SOAT2: variants seen among roughly 807,000 people sequenced by gnomAD.
The protein encoded by SOAT2 is ACAT-2.
In SOAT2, 87 loss-of-function variants were observed where a neutral mutation model predicts 76.0. The ratio of observed to expected loss-of-function variants is 1.14; its 90% confidence interval spans 0.96 to 1.37. SOAT2 has a LOEUF of 1.37. SOAT2 is among the 40% of genes most tolerant of loss of function. SOAT2 has a pLI of 0.00. For missense variants in SOAT2, 686 were observed against 682.1 expected, an observed-to-expected ratio of 1.01 and a Z score of -0.06; for synonymous variants, 285 against 275.4, an observed-to-expected ratio of 1.03 and a Z score of -0.34.
chr12:53,113,500 A>G (rs1565627234), intron 5 of SOAT2, among the ~76,000 whole-genome samples: 1 of 152,190 alleles, frequency 6.6e-6, no homozygotes. Flanking sequence ...GTGGCTGAAC[A>G]CAGCACCATC....
At chr12:53,121,932 T>A (rs1938196703) in intron 12 of SOAT2, among the ~76,000 whole-genome samples, 1 of 151,272 alleles carries the variant, frequency 6.6e-6, no homozygotes. Context: ...CTCAGCCTTT[T>A]GAGTAGCTGG....
chr12:53,109,649 T>C (rs1284563066), intron 5 of SOAT2, among the ~76,000 whole-genome samples: 1 of 152,074 alleles, frequency 6.6e-6, no homozygotes, highest in African/African-American at 2.4e-5. Context: ...ACCCAGCTAA[T>C]TTTTTTGTGT....
intron 5 of SOAT2, among the ~76,000 whole-genome samples, chr12:53,107,640 T>TTTTTTTTTTTTTTTTTTTTTTTTTA (rs71095976): frequency 6.7e-6 from 1 of 149,956 alleles, no homozygotes; most frequent in African/African-American, 2.5e-5. Context: ...TTTTTTTTTT[T>TTTTTTTTTTTTTTTTTTTTTTTTTA]GAGACAGAGT....
intron 7 of SOAT2, among the ~76,000 whole-genome samples, chr12:53,116,607 T>C (rs1938110470): frequency 6.6e-6 from 1 of 152,120 alleles, no homozygotes; most frequent in African/African-American, 2.4e-5. Context: ...CTCACACAGG[T>C]AATCCCAGCA....
At chr12:53,123,323 A>T (rs1938223805) in intron 13 of SOAT2, 107 bp downstream of exon 13, 2 of 1,391,752 alleles carry the variant, frequency 1.4e-6, no homozygotes, top group Non-Finnish European at 2.0e-6. Context: ...CCAGGCCTGG[A>T]GGCAAGGCTG....
chr12:53,112,573 T>G (rs576398026), intron 5 of SOAT2, among the ~76,000 whole-genome samples: 2 of 143,618 alleles, frequency 1.4e-5, no homozygotes, highest in African/African-American at 2.6e-5. Flanking sequence ...GACAAGGTCC[T>G]AGGAGAGAAA....
At chr12:53,119,380 CT>C (rs1938155658) in intron 10 of SOAT2, 127 bp downstream of exon 10, 1 of 1,030,812 alleles carries the variant, frequency 9.7e-7, no homozygotes, top group Non-Finnish European at 1.4e-6. Flanking sequence ...CATCTGTCCC[CT>C]CCTATCAGGG....
At position 53,121,374 on chromosome 12, in the gene SOAT2, C is replaced by T. The variant is rs555587226; in HGVS notation, c.1209C>T (p.Tyr403=). The change falls in exon 12 of 15, where the codon TAC becomes TAT. Residue 403 remains tyrosine, a synonymous_variant. Coordinates refer to ENST00000301466, the MANE Select transcript of SOAT2 (RefSeq NM_003578.4). ...ACGTGGTGGTCCATGACTGGCTGTA[C>T]AGCTACGTGTATCAGGATGGGCTGC... The part of the protein sequence containing the change: ...TWNVVVHDWL[Y]SYVYQDGLRL... The T allele has an allele frequency of 2.9e-4, 466 of 1,614,132 alleles. 3 individuals carry two copies. In the South Asian group the frequency reaches 4.8e-3, roughly 17 times the overall value.
At position 53,118,905 on chromosome 12, in the gene SOAT2, G is replaced by A; in HGVS notation, c.879G>A (p.Arg293=). The A allele has an allele frequency of 6.2e-7, 1 of 1,614,112 alleles. No individual in the cohort carries two copies. The highest frequency in any genetic ancestry group is 2.2e-5 in the East Asian group (1 of 44,864). The part of the protein sequence containing the change: ...RETYPRTPYV[R]WNYVAKNFAQ... ...GCCGCTGCAGGACGCCCTATGTCAG[G>A]TGGAATTATGTGGCCAAGAACTTTG... is the stretch of plus-strand genomic sequence containing the variant. Residue 293 remains arginine (R), a synonymous_variant, in exon 9 of 15, where the codon AGG becomes AGA. Coordinates refer to ENST00000301466, the MANE Select transcript of SOAT2 (RefSeq NM_003578.4).
chr12:53,105,306 C>T (rs544933885), intron 3 of SOAT2, 63 bp downstream of exon 3: 92 of 1,546,370 alleles, frequency 5.9e-5, no homozygotes, highest in East Asian at 9.6e-5. Context: ...AGAAACATCA[C>T]GTTATGTGCC....
intron 14 of SOAT2, 72 bp downstream of exon 14, chr12:53,123,945 T>C: frequency 6.2e-7 from 1 of 1,606,854 alleles, no homozygotes. Context: ...TCCCTCCTTG[T>C]TCCCCAACTC....
intron 14 of SOAT2, 76 bp downstream of exon 14, chr12:53,123,949 C>A: frequency 6.2e-7 from 1 of 1,606,822 alleles, no homozygotes; most frequent in Non-Finnish European, 8.5e-7. Context: ...TCCTTGTTCC[C>A]CAACTCACCG....
At chr12:53,111,421 A>G (rs1938011154) in intron 5 of SOAT2, among the ~76,000 whole-genome samples, 1 of 152,180 alleles carries the variant, frequency 6.6e-6, no homozygotes. Context: ...GTGTAGCTTT[A>G]AAACAGAGAA....
At chr12:53,110,246 G>C (rs549005971) in intron 5 of SOAT2, among the ~76,000 whole-genome samples, 5 of 152,182 alleles carry the variant, frequency 3.3e-5, no homozygotes, top group African/African-American at 1.2e-4. Flanking sequence ...CTTTACTTTT[G>C]GTGAAAACCT....
Position 53,124,262 on chromosome 12 carries a change from G to T in SOAT2, c.*139G>T. 2.5e-6 allele frequency: 2 copies of T among 788,274 alleles called. No homozygotes were observed. Among genetic ancestry groups the T allele is most frequent in the South Asian group, 3.1e-5 (2 of 65,516 alleles). The allele number at this position is 788,274 out of a possible 1,614,324, so 48.8% of individuals were successfully genotyped here. A position where few individuals can be genotyped will look rare whatever the true frequency, so the allele number is the denominator to read the frequency against. On this transcript the variant is annotated 3_prime_UTR_variant, in exon 15 of 15. Coordinates refer to ENST00000301466, the MANE Select transcript of SOAT2 (RefSeq NM_003578.4). ...TGCACACAAGACCCCACCAAGGAATGTGCAAGGACTGAGATCTGCAGACTT... is the reference window on the plus strand; with the variant it reads ...TGCACACAAGACCCCACCAAGGAATTTGCAAGGACTGAGATCTGCAGACTT...
intron 7 of SOAT2, among the ~76,000 whole-genome samples, chr12:53,117,919 GA>G (rs1938131181): frequency 6.6e-6 from 1 of 152,206 alleles, no homozygotes; most frequent in Non-Finnish European, 1.5e-5. Context: ...CTTGCCGTTG[GA>G]AAAAGTGGCA....
At chr12:53,104,930 C>T (rs1937905115) in intron 2 of SOAT2, among the ~76,000 whole-genome samples, 177 bp from the exon 3 acceptor site, 2 of 152,062 alleles carry the variant, frequency 1.3e-5, no homozygotes, top group African/African-American at 2.4e-5. Context: ...CCAATGCCTG[C>T]CCTTCCCCCC....
intron 7 of SOAT2, 124 bp downstream of exon 7, chr12:53,116,290 C>T: frequency 2.6e-6 from 2 of 775,524 alleles, no homozygotes. Flanking sequence ...CCAGGCACAG[C>T]CCTGGCATCC....
At chr12:53,118,584 G>A (rs1173357522) in intron 8 of SOAT2, 150 bp downstream of exon 8, 1 of 669,574 alleles carries the variant, frequency 1.5e-6, no homozygotes, top group East Asian at 2.7e-5. Flanking sequence ...TAGGTGACTG[G>A]TAGACTACCC....
Sources: gnomAD v4.1 joint callset for allele counts (sites outside exome capture counted in the v4.1 genomes callset) on GRCh38, gnomAD v4.1.1 for gene constraint, MANE v1.5 for transcripts, NCBI Gene and HGNC (gene_info 2026-07-23, HGNC 2026-07-21) for gene names.